Variants in XKR6 observed in about 807,000 individuals in gnomAD.
XKR6 encodes the protein XK-related protein 6.
In XKR6, 22 loss-of-function variants were observed where a neutral mutation model predicts 56.7. That is an observed-to-expected ratio of 0.39 (90% CI 0.28 to 0.55). The LOEUF (loss-of-function observed/expected upper bound fraction) is 0.55, where lower values mean the gene tolerates loss of function less well. Among genes scored for constraint, XKR6 ranks in the 20% least tolerant of loss-of-function variants. The probability of loss-of-function intolerance (pLI) is 0.66; values close to 1 mark genes in which losing one functional copy is unlikely to be tolerated. For synonymous variants in XKR6, 524 were observed against 387.8 expected (o/e 1.35, Z -4.13); for missense variants, 852 against 889.0 (o/e 0.96, Z 0.53).
intron 1 of XKR6, among the ~76,000 whole-genome samples, chr8:10,942,204 A>G (rs143841042): frequency 9.7e-4 from 147 of 152,272 alleles, no homozygotes; most frequent in Middle Eastern, 6.8e-3. Context: ...GGCATTCACA[A>G]TATGCATACA....
chr8:11,120,508 T>G (rs1287960754), intron 1 of XKR6, among the ~76,000 whole-genome samples: 1 of 152,128 alleles, frequency 6.6e-6, no homozygotes, highest in East Asian at 1.9e-4. Flanking sequence ...CAAGGAGAAC[T>G]ACAAACCACT....
intron 2 of XKR6, among the ~76,000 whole-genome samples, chr8:10,902,959 G>A (rs1255955952): frequency 5.9e-5 from 9 of 152,170 alleles, no homozygotes; most frequent in East Asian, 1.9e-4. Context: ...TTTTGGGACC[G>A]GAGTTGGTAC....
chr8:11,098,399 T>C (rs1395861142), intron 1 of XKR6, among the ~76,000 whole-genome samples: 1 of 152,116 alleles, frequency 6.6e-6, no homozygotes, highest in African/African-American at 2.4e-5. Context: ...TCGGTGAACT[T>C]GAGGTCCTAT....
At chr8:10,918,293 G>C (rs1800618098) in intron 2 of XKR6, among the ~76,000 whole-genome samples, 1 of 152,236 alleles carries the variant, frequency 6.6e-6, no homozygotes, top group South Asian at 2.1e-4. Flanking sequence ...TGAGTGCTTG[G>C]AAGAGGCTCA....
At chr8:11,170,201 C>A (rs772159992) in intron 1 of XKR6, among the ~76,000 whole-genome samples, 2 of 152,142 alleles carry the variant, frequency 1.3e-5, no homozygotes, top group Non-Finnish European at 2.9e-5. Flanking sequence ...AGGTATATAT[C>A]CAACAAAAAT....
intron 1 of XKR6, among the ~76,000 whole-genome samples, chr8:11,018,596 A>G (rs1283354996): frequency 5.9e-5 from 9 of 152,230 alleles, no homozygotes; most frequent in Non-Finnish European, 1.3e-4. Context: ...GGTAATACCA[A>G]GATTTTCCAT....
chr8:11,074,598 C>A (rs778673503), intron 1 of XKR6, among the ~76,000 whole-genome samples: 3 of 152,228 alleles, frequency 2.0e-5, no homozygotes, highest in Non-Finnish European at 4.4e-5. Flanking sequence ...ATTCCATCAA[C>A]AAACATTCTC....
At chr8:11,005,294 A>G (rs1438305979) in intron 1 of XKR6, among the ~76,000 whole-genome samples, 1 of 152,128 alleles carries the variant, frequency 6.6e-6, no homozygotes, top group Non-Finnish European at 1.5e-5. Flanking sequence ...ATATTTTTGG[A>G]CTATGGTTGA....
chr8:11,193,749 C>A (rs929114415), intron 1 of XKR6, among the ~76,000 whole-genome samples: 2 of 140,220 alleles, frequency 1.4e-5, no homozygotes, highest in African/African-American at 2.6e-5. Context: ...CCCCCCCCCC[C>A]CCACAAAAGA....
chr8:11,116,722 C>T (rs924461930), intron 1 of XKR6, among the ~76,000 whole-genome samples: 2 of 152,244 alleles, frequency 1.3e-5, no homozygotes, highest in South Asian at 2.1e-4. Flanking sequence ...AGGTTTCATT[C>T]GCCTCCCGAA....
chr8:11,131,375 A>G (rs1010047271), intron 1 of XKR6, among the ~76,000 whole-genome samples: 10 of 152,202 alleles, frequency 6.6e-5, no homozygotes, highest in African/African-American at 1.9e-4. Flanking sequence ...AAAATACAAG[A>G]AAGAGTAATT....
intron 2 of XKR6, among the ~76,000 whole-genome samples, chr8:10,908,840 G>T (rs1433583823): frequency 6.6e-6 from 1 of 152,168 alleles, no homozygotes; most frequent in Admixed American, 6.5e-5. Context: ...GAAGTGGGTT[G>T]TTTATCCAGG....
chr8:11,126,697 G>C (rs1586583331), intron 1 of XKR6, among the ~76,000 whole-genome samples: 3 of 152,258 alleles, frequency 2.0e-5, no homozygotes, highest in South Asian at 4.1e-4. Flanking sequence ...TTAATGAACA[G>C]AGCCATCTCT....
At chr8:11,107,426 C>T (rs1022381314) in intron 1 of XKR6, among the ~76,000 whole-genome samples, 1 of 152,124 alleles carries the variant, frequency 6.6e-6, no homozygotes, top group African/African-American at 2.4e-5. Context: ...CTTGGGCAGT[C>T]CTCCTGCCTC....
intron 1 of XKR6, among the ~76,000 whole-genome samples, chr8:11,089,882 A>G (rs1798009218): frequency 1.3e-5 from 2 of 152,290 alleles, no homozygotes; most frequent in Admixed American, 6.5e-5. Context: ...CTTACTAGAT[A>G]TATACTTATT....
At chr8:11,139,184 C>G (rs1800554995) in intron 1 of XKR6, among the ~76,000 whole-genome samples, 1 of 152,216 alleles carries the variant, frequency 6.6e-6, no homozygotes, top group Non-Finnish European at 1.5e-5. Context: ...ATAAAAGATG[C>G]TTTCCTCCAT....
intron 1 of XKR6, among the ~76,000 whole-genome samples, chr8:11,103,435 T>C (rs996434301): frequency 9.2e-5 from 14 of 152,272 alleles, no homozygotes; most frequent in Middle Eastern, 3.4e-3. Flanking sequence ...CAGAGCCACA[T>C]AGTTGCTCGC....
chr8:10,913,297 C>T (rs1800463654), intron 2 of XKR6, among the ~76,000 whole-genome samples: 2 of 152,016 alleles, frequency 1.3e-5, no homozygotes, highest in Admixed American at 1.3e-4. Context: ...CTCTGTACCC[C>T]CAGAGTCTGG....
At chr8:11,056,926 G>C (rs1424576886) in intron 1 of XKR6, among the ~76,000 whole-genome samples, 2 of 152,100 alleles carry the variant, frequency 1.3e-5, no homozygotes, top group African/African-American at 4.8e-5. Flanking sequence ...ACTTCTCCCA[G>C]TCCAGGCTAA....
Sources: gnomAD v4.1 joint callset for allele counts (sites outside exome capture counted in the v4.1 genomes callset) on GRCh38, gnomAD v4.1.1 for gene constraint, MANE v1.5 for transcripts, NCBI Gene and HGNC (gene_info 2026-07-23, HGNC 2026-07-21) for gene names.